Variants in C3orf33 observed in about 807,000 individuals in gnomAD.
The protein encoded by C3orf33 is AP-1 activity suppressor.
In C3orf33, 23 loss-of-function variants were observed where a neutral mutation model predicts 28.7. The observed-to-expected ratio is 0.80, with a 90% CI of 0.58 to 1.13. The LOEUF (loss-of-function observed/expected upper bound fraction) is 1.13. Among genes scored for constraint, C3orf33 ranks in the 50% most tolerant of loss-of-function variants. C3orf33 has a pLI of 0.00. For missense variants in C3orf33, 327 were observed against 353.4 expected (o/e 0.93, Z 0.60); for synonymous variants, 119 against 120.5 (o/e 0.99, Z 0.08).
intron 2 of C3orf33, among the ~76,000 whole-genome samples, chr3:155,801,975 C>T (rs966468446): frequency 2.0e-5 from 3 of 152,214 alleles, no homozygotes; most frequent in Non-Finnish European, 2.9e-5. Context: ...TGGTCTCGAA[C>T]TCCTGACCTC....
chr3:155,765,800 G>A (rs1263223038), intron 4 of C3orf33, among the ~76,000 whole-genome samples: 3 of 152,138 alleles, frequency 2.0e-5, no homozygotes, highest in Non-Finnish European at 2.9e-5. Context: ...TGCTGGCCTC[G>A]GCCTCCCAAA....
chr3:155,802,547 C>G lies in C3orf33; in HGVS notation c.159G>C (p.Leu53Phe), dbSNP rs1431654981. The change falls in exon 2 of 5, where the codon TTG becomes TTC. Residue 53 changes from leucine (L) to phenylalanine (F), a missense_variant. Physicochemically the swap from Leu to Phe is conservative, Grantham distance 22. Transcript: ENST00000340171. The stretch of plus-strand genomic sequence containing the variant: ...TTTAACTTACCAGTCGAATGCTTCT[C>G]AAAAGTAACATTATTCCAGCTATGG... The part of the protein sequence containing the change: ...GMAIAGIMLL[L>F]RSIRLTSKFT... The G allele has an allele frequency of 1.9e-6, 3 of 1,603,486 alleles. No individual in the cohort carries two copies. Among genetic ancestry groups the G allele is most frequent in the Non-Finnish European group, 1.7e-6 (2 of 1,177,106 alleles).
At chr3:155,803,887 A>G (rs1394176350) in intron 1 of C3orf33, among the ~76,000 whole-genome samples, 1 of 150,994 alleles carries the variant, frequency 6.6e-6, no homozygotes, top group Non-Finnish European at 1.5e-5. Flanking sequence ...GTCTCAAAGG[A>G]AAAAAGAGGC....
At chr3:155,763,955 A>G in intron 4 of C3orf33, 37 bp from the exon 5 acceptor site, 1 of 1,318,784 alleles carries the variant, frequency 7.6e-7, no homozygotes, top group East Asian at 2.8e-5. Flanking sequence ...ATTATTTAAG[A>G]TAATTGTTGT....
rs1324252227 is a variant in C3orf33, at chr3:155,766,752, C to CATGTTGGCCATGT, written c.483+756_483+757insACATGGCCAACAT. The stretch of plus-strand genomic sequence containing the variant: ...TCACCTGAGGTCAGGAGTTCGAGAC[C>CATGTTGGCCATGT]TGCCTGGCCAACATGGCAAAACCTC... On this transcript the variant is annotated intron_variant, in intron 4 of 4. Transcript: ENST00000340171. Among the ~76,000 whole-genome samples, 4 of 152,126 alleles carry CATGTTGGCCATGT rather than the reference C, an allele frequency of 2.6e-5. No individual in the cohort carries two copies. In the East Asian group the frequency reaches 7.7e-4, roughly 29 times the overall value.
At chr3:155,784,140 A>C (rs1200746646) in intron 2 of C3orf33, among the ~76,000 whole-genome samples, 1 of 151,674 alleles carries the variant, frequency 6.6e-6, no homozygotes, top group African/African-American at 2.4e-5. Context: ...TTGTTGGTCA[A>C]GCTGGTCAAG....
intron 2 of C3orf33, among the ~76,000 whole-genome samples, chr3:155,785,788 C>T (rs146963765): frequency 0.012 from 1,867 of 152,066 alleles, 52 homozygotes; most frequent in African/African-American, 0.044. Context: ...CCTGTAATCC[C>T]AGCACTTTGG....
intron 1 of C3orf33, chr3:155,804,243 G>T: frequency 2.8e-6 from 1 of 363,500 alleles, no homozygotes; most frequent in Non-Finnish European, 5.2e-6. Flanking sequence ...TTCTGTGATT[G>T]GATTATTTGT....
Position 155,765,034 on chromosome 3 carries a change from A to G in C3orf33, c.484-1116T>C, listed in dbSNP as rs374741367. On this transcript the variant is annotated intron_variant, in intron 4 of 4. Coordinates refer to ENST00000340171, the MANE Select transcript of C3orf33 (RefSeq NM_001308229.2). ...TTTTCTAAATCTTTCAAATCTTATA[A>G]GCTCATTCCCTTGAACCAAACTCAG... Among the ~76,000 whole-genome samples, 3 of 152,318 alleles carry G rather than the reference A, an allele frequency of 2.0e-5. No homozygotes were observed. The East Asian group carries it at 5.8e-4, about 29-fold the overall frequency.
chr3:155,799,029 A>G (rs1324850828), intron 2 of C3orf33, among the ~76,000 whole-genome samples: 1 of 152,242 alleles, frequency 6.6e-6, no homozygotes, highest in Non-Finnish European at 1.5e-5. Flanking sequence ...AAGGTGCTCA[A>G]CATCACTGAT....
chr3:155,806,056 A>C, intron 1 of C3orf33, 83 bp downstream of exon 1: 2 of 959,118 alleles, frequency 2.1e-6, no homozygotes, highest in Non-Finnish European at 2.8e-6. Flanking sequence ...GGCGGGATCC[A>C]CGCCTGAGGC....
In C3orf33 at chr3:155,806,192, T is replaced by G. The variant is rs1225009959; in HGVS notation, c.61A>C (p.Asn21His). Residue 21 changes from asparagine (N) to histidine (H), a missense_variant, in exon 1 of 5, where the codon AAC becomes CAC. Transcript: ENST00000340171. ...CACTGCGAGATCCGAGCCACGACGTTGGGCTCCATTCCGTCCTTGTCGGCA... is the reference window on the plus strand; with the variant it reads ...CACTGCGAGATCCGAGCCACGACGTGGGGCTCCATTCCGTCCTTGTCGGCA... ...PSADKDGMEP[N>H]VVARISQWAD... 6.7e-7 allele frequency: 1 copy of G among 1,502,944 alleles called. No individual in the cohort carries two copies. Among genetic ancestry groups the G allele is most frequent in the South Asian group, 1.2e-5 (1 of 80,680 alleles). 93.1% of individuals were successfully genotyped at this position (1,502,944 alleles called of 1,614,324 possible). A position where few individuals can be genotyped will look rare whatever the true frequency, so the allele number is the denominator to read the frequency against.
chr3:155,765,962 G>C (rs1750390593), intron 4 of C3orf33, among the ~76,000 whole-genome samples: 1 of 152,174 alleles, frequency 6.6e-6, no homozygotes, highest in Non-Finnish European at 1.5e-5. Flanking sequence ...AAAAATTAAT[G>C]AATTTCATTA....
Position 155,767,623 on chromosome 3 carries a change from G to A in C3orf33, c.369C>T (p.Leu123=), listed in dbSNP as rs368515010. Residue 123 remains leucine (L), a synonymous_variant, in exon 4 of 5, where the codon CTC becomes CTT. Coordinates refer to ENST00000340171, the MANE Select transcript of C3orf33 (RefSeq NM_001308229.2). Reference sequence around the variant, plus strand: ...GTAACCATGCCTTCCCAGTTTCAGCGAGTTCTACTCCAGCCAACTTAACCA... The same window carrying A: ...GTAACCATGCCTTCCCAGTTTCAGCAAGTTCTACTCCAGCCAACTTAACCA... ...ALLVKLAGVE[L]AETGKAWLQK... The A allele has an allele frequency of 2.3e-5, 36 of 1,586,062 alleles. No individual in the cohort carries two copies. Among genetic ancestry groups the A allele is most frequent in the Admixed American group, 1.5e-4 (9 of 58,130 alleles).
At chr3:155,798,327 G>A (rs1244961585) in intron 2 of C3orf33, among the ~76,000 whole-genome samples, 4 of 152,094 alleles carry the variant, frequency 2.6e-5, no homozygotes, top group African/African-American at 9.7e-5. Flanking sequence ...GTTATCCTGA[G>A]TATAATGAAC....
At chr3:155,802,892 C>G (rs1446463800) in intron 1 of C3orf33, among the ~76,000 whole-genome samples, 2 of 151,806 alleles carry the variant, frequency 1.3e-5, no homozygotes, top group African/African-American at 4.8e-5. Context: ...CATATACACA[C>G]CCACCCACCC....
intron 2 of C3orf33, among the ~76,000 whole-genome samples, chr3:155,800,876 A>T (rs1751627754): frequency 1.3e-5 from 2 of 152,140 alleles, no homozygotes; most frequent in South Asian, 4.1e-4. Context: ...AACCACAATA[A>T]GATACTACCT....
chr3:155,804,651 T>G (rs1290661612), intron 1 of C3orf33, among the ~76,000 whole-genome samples: 3 of 152,226 alleles, frequency 2.0e-5, no homozygotes, highest in Non-Finnish European at 4.4e-5. Flanking sequence ...CCTCACTGTC[T>G]GCTTCTTCTT....
chr3:155,790,227 G>GAAAA (rs796923838), intron 2 of C3orf33, among the ~76,000 whole-genome samples: 2 of 65,778 alleles, frequency 3.0e-5, no homozygotes, highest in African/African-American at 5.8e-5. Context: ...ATGCAAAAAA[G>GAAAA]AAAAAAAAAA....
Sources: allele counts gnomAD v4.1 joint callset (sites outside exome capture counted in the v4.1 genomes callset), GRCh38; gene constraint gnomAD v4.1.1; transcripts MANE v1.5; gene names NCBI Gene and HGNC (gene_info 2026-07-23, HGNC 2026-07-21).